Variants in PARP12 observed in about 807,000 individuals in gnomAD.
PARP12 encodes poly(ADP-ribose) polymerase family member 12.
PARP12 carries 59 observed loss-of-function variants against 72.4 expected under a neutral mutation model. The ratio of observed to expected loss-of-function variants is 0.81; its 90% CI spans 0.66 to 1.01. The LOEUF is 1.01. PARP12 is among the 50% of genes least tolerant of loss of function. PARP12 has a pLI of 0.00. For synonymous variants in PARP12, 403 were observed against 371.4 expected (o/e 1.09, Z -0.98); for missense variants, 851 against 914.0 (o/e 0.93, Z 0.89).
chr7:140,035,206 C>T (rs891482728), intron 7 of PARP12, among the ~76,000 whole-genome samples: 1 of 152,332 alleles, frequency 6.6e-6, no homozygotes, highest in Non-Finnish European at 1.5e-5. Context: ...GAGATGGTCA[C>T]TATTCCTGGA....
Position 140,052,874 on chromosome 7 carries a change from C to T in PARP12, c.862+1788G>A, listed in dbSNP as rs113518168. On this transcript the variant is annotated intron_variant, in intron 4 of 11. Transcript: ENST00000263549. ...TAAATAAAAGTTAAACATCATTAAT[C>T]ATCAGGGAAATGCAAATTAAAACCA... Among the ~76,000 whole-genome samples, 30 of 152,128 alleles carry T rather than the reference C, an allele frequency of 2.0e-4. 1 individual carries two copies. The highest frequency in any genetic ancestry group is 7.2e-4 in the African/African-American group (30 of 41,498).
At chr7:140,045,372 C>G (rs6979602) in intron 5 of PARP12, among the ~76,000 whole-genome samples, 9,640 of 152,244 alleles carry the variant, frequency 0.063, 669 homozygotes, top group African/African-American at 0.18. Flanking sequence ...GTGTTTTATG[C>G]ATATTAACTC....
In PARP12 at chr7:140,035,737, A is replaced by T. The variant is rs1317954540; in HGVS notation, c.1325-1406T>A. Among the ~76,000 whole-genome samples the T allele has an allele frequency of 4.6e-5, 7 of 152,248 alleles. No individual in the cohort carries two copies. The East Asian group carries it at 9.6e-4, about 21-fold the overall frequency. On this transcript the variant is annotated intron_variant, in intron 7 of 11. Coordinates refer to ENST00000263549, the MANE Select transcript of PARP12 (RefSeq NM_022750.4). ...TAAACAGCTAATAAATATGTGTGGC[A>T]GTTTGCTTTGAGACTTGCTTTATAC...
rs1044146203 is a variant in PARP12 at position 140,062,706 on chromosome 7, G to A, written c.142C>T (p.Arg48Cys). The part of the protein sequence containing the change: ...ALERLLRQRG[R>C]FVVAVRAGGA... ...CCCGCCCGCACCGCCACCACGAAGCGCCCACGCTGCCGCAGCAGCCGCTCC... is the reference window on the plus strand; with the variant it reads ...CCCGCCCGCACCGCCACCACGAAGCACCCACGCTGCCGCAGCAGCCGCTCC... Residue 48 changes from arginine (R) to cysteine (C), a missense_variant, in exon 1 of 12, where the codon CGC becomes TGC. Coordinates refer to ENST00000263549, the MANE Select transcript of PARP12 (RefSeq NM_022750.4). 3 of 1,327,726 alleles carry A rather than the reference G, an allele frequency of 2.3e-6. No individual in the cohort carries two copies. The highest frequency in any genetic ancestry group is 1.5e-5 in the African/African-American group (1 of 64,876). The allele number at this position is 1,327,726 out of a possible 1,614,324, so 82.2% of individuals were successfully genotyped here.
intron 4 of PARP12, among the ~76,000 whole-genome samples, chr7:140,048,886 T>C (rs761611194): frequency 1.6e-4 from 25 of 152,190 alleles, no homozygotes; most frequent in Non-Finnish European, 2.9e-4. Context: ...GAATGGATAA[T>C]TATGGCTGTT....
chr7:140,025,254 A>C, intron 11 of PARP12: 1 of 302,308 alleles, frequency 3.3e-6, no homozygotes, highest in Non-Finnish European at 6.5e-6. Context: ...GTTGGCATGG[A>C]AAATGAATGA....
chr7:140,028,073 C>G (rs1310384921), intron 9 of PARP12, among the ~76,000 whole-genome samples: 1 of 152,232 alleles, frequency 6.6e-6, no homozygotes, highest in African/African-American at 2.4e-5. Flanking sequence ...GGCCAGCTGG[C>G]AGACATCAGC....
chr7:140,028,606 C>G lies in PARP12; in HGVS notation c.1497+7G>C. 6.3e-7 allele frequency: 1 copy of G among 1,582,838 alleles called. No homozygotes were observed. The highest frequency in any genetic ancestry group is 1.7e-4 in the Middle Eastern group (1 of 5,912). On this transcript the variant is annotated splice_region_variant and intron_variant, in intron 9 of 11. Coordinates refer to ENST00000263549, the MANE Select transcript of PARP12 (RefSeq NM_022750.4). ...CCTGTCCAGCCCCAGGCGCATGCGT[C>G]CCCTACCTGAAAGCCTGGGTCTGGC...
At chr7:140,039,350 C>G (rs1816360217) in intron 6 of PARP12, among the ~76,000 whole-genome samples, 1 of 152,236 alleles carries the variant, frequency 6.6e-6, no homozygotes, top group African/African-American at 2.4e-5. Context: ...TGCCCCGACC[C>G]AGGCCTCCAG....
At chr7:140,031,135 G>A (rs1815925533) in intron 8 of PARP12, among the ~76,000 whole-genome samples, 1 of 152,106 alleles carries the variant, frequency 6.6e-6, no homozygotes, top group Non-Finnish European at 1.5e-5. Flanking sequence ...GGTAAGAAAA[G>A]AAAAAATAAG....
chr7:140,035,470 G>C (rs911804943), intron 7 of PARP12, among the ~76,000 whole-genome samples: 1 of 152,310 alleles, frequency 6.6e-6, no homozygotes, highest in Admixed American at 6.5e-5. Flanking sequence ...AGTAAAGTGA[G>C]GTCTTTTCCC....
intron 5 of PARP12, 132 bp downstream of exon 5, chr7:140,046,752 G>A (rs1816743208): frequency 1.2e-6 from 1 of 847,430 alleles, no homozygotes; most frequent in Non-Finnish European, 1.8e-6. Context: ...GTGTGTGTGT[G>A]TGTGTCACAC....
At chr7:140,049,914 C>G (rs1816894018) in intron 4 of PARP12, among the ~76,000 whole-genome samples, 1 of 152,142 alleles carries the variant, frequency 6.6e-6, no homozygotes, top group Admixed American at 6.5e-5. Flanking sequence ...TTCCCTACCT[C>G]ACGTTGGCAT....
At chr7:140,038,361 T>C (rs1473371720) in intron 6 of PARP12, 1 of 927,800 alleles carries the variant, frequency 1.1e-6, no homozygotes, top group South Asian at 5.0e-5. Flanking sequence ...TCCCTATCCT[T>C]CCACAATTAC....
intron 6 of PARP12, 66 bp downstream of exon 6, chr7:140,041,578 T>C (rs1816470521): frequency 6.7e-7 from 1 of 1,490,310 alleles, no homozygotes; most frequent in Admixed American, 1.9e-5. Flanking sequence ...ATATGGGGGC[T>C]CTTATTTGGC....
chr7:140,047,543 G>A (rs1381046454), intron 4 of PARP12, among the ~76,000 whole-genome samples: 1 of 152,132 alleles, frequency 6.6e-6, no homozygotes, highest in Non-Finnish European at 1.5e-5. Context: ...AAATTATCCA[G>A]TTTCAGGTAC....
intron 2 of PARP12, 102 bp downstream of exon 2, chr7:140,057,797 G>C: frequency 6.7e-7 from 1 of 1,484,542 alleles, no homozygotes; most frequent in African/African-American, 1.4e-5. Flanking sequence ...CCAGACCAGA[G>C]ATCACCAAGG....
intron 6 of PARP12, among the ~76,000 whole-genome samples, chr7:140,038,981 A>T (rs566726768): frequency 7.2e-5 from 11 of 152,352 alleles, no homozygotes; most frequent in African/African-American, 2.6e-4. Flanking sequence ...GAAGGGTGAG[A>T]CCCAGCAAAG....
At chr7:140,034,022 A>G (rs888474732) in intron 8 of PARP12, 2 of 1,202,126 alleles carry the variant, frequency 1.7e-6, no homozygotes, top group Admixed American at 8.3e-5. Flanking sequence ...CACAACAGGC[A>G]GCCTTCTAAT....
Sources: gnomAD v4.1 joint callset for allele counts (sites outside exome capture counted in the v4.1 genomes callset) on GRCh38, gnomAD v4.1.1 for gene constraint, MANE v1.5 for transcripts, NCBI Gene and HGNC (gene_info 2026-07-23, HGNC 2026-07-21) for gene names.